The following RPL21 variants were observed in gnomAD, a reference collection of about 807,000 sequenced individuals.
RPL21 encodes ribosomal protein L21, also known as large ribosomal subunit protein eL21.
Under a neutral mutation model 21.2 loss-of-function variants are expected in RPL21, and 1 was observed. That is an observed-to-expected ratio of 0.05 (90% CI 0.02 to 0.22). RPL21 has a LOEUF of 0.22. Among genes scored for constraint, RPL21 ranks in the 10% least tolerant of loss-of-function variants. The pLI, the probability that RPL21 is intolerant of heterozygous loss-of-function variation, is 1.00. For synonymous variants in RPL21, 52 were observed against 62.9 expected (o/e 0.83, Z 0.82); for missense variants, 113 against 199.4 (o/e 0.57, Z 2.61).
chr13:27,254,315 A>G, intron 3 of RPL21, 34 bp downstream of exon 3: 1 of 1,284,636 alleles, frequency 7.8e-7, no homozygotes, highest in Non-Finnish European at 1.1e-6. Flanking sequence ...ACACTACAGA[A>G]GATAGAAAAG....
In RPL21 at chr13:27,256,322, A is replaced by T; in HGVS notation, c.381A>T (p.Gln127His). Residue 127 changes from glutamine (Q) to histidine (H), a missense_variant, in exon 5 of 6, where the codon CAA (glutamine) becomes CAT (histidine). Transcript: ENST00000311549. Reference protein sequence around the residue: ...KEAKEKGTWVQLKRQPAPPRE... With the variant: ...KEAKEKGTWVHLKRQPAPPRE... ...CCAAAGAGAAAGGTACCTGGGTTCA[A>T]CTAAAGCGCCAGGTAAGAATTTGGT... The T allele has an allele frequency of 1.2e-6, 2 of 1,610,930 alleles. No individual in the cohort carries two copies.
Position 27,254,201 on chromosome 13 carries a change from A to C in RPL21, c.68-19A>C. Reference sequence around the variant, plus strand: ...GATTTTTAGCCTTAATACTCACTATACCAAATTTATTTTTGTAGGAGTTGT... The same window carrying C: ...GATTTTTAGCCTTAATACTCACTATCCCAAATTTATTTTTGTAGGAGTTGT... On this transcript the variant is annotated intron_variant, in intron 2 of 5. Transcript: ENST00000311549. The C allele has an allele frequency of 6.5e-7, 1 of 1,529,650 alleles. No individual in the cohort carries two copies. The highest frequency in any genetic ancestry group is 1.1e-5 in the South Asian group (1 of 89,304). 94.8% of individuals were successfully genotyped at this position (1,529,650 alleles called of 1,614,324 possible).
chr13:27,254,377 A>G (rs533468203), intron 3 of RPL21, 96 bp downstream of exon 3: 2 of 652,628 alleles, frequency 3.1e-6, no homozygotes, highest in South Asian at 1.5e-5. Context: ...TTGCATCTGT[A>G]AGAGTATAGA....
intron 1 of RPL21, 31 bp downstream of exon 1, chr13:27,251,616 G>C (rs3118727): frequency 0.77 from 117,592 of 152,328 alleles, 48,967 homozygotes; most frequent in South Asian, 0.95. Context: ...CCGGGCGCTA[G>C]GTGTTCGACA....
At position 27,256,416 on chromosome 13, in the gene RPL21, C is replaced by CTT; in HGVS notation, c.394-12_394-11dup. ...ACACATCACATAATTATTTTATTCC[C>CTT]TTTTTTTTTCCTTTAATAGCCTGCT... On this transcript the variant is annotated intron_variant, in intron 5 of 5. Transcript: ENST00000311549. 1 of 1,550,688 alleles carries CTT rather than the reference C, an allele frequency of 6.4e-7. No individual in the cohort carries two copies. Among genetic ancestry groups the CTT allele is most frequent in the Non-Finnish European group, 8.9e-7 (1 of 1,124,694 alleles).
chr13:27,254,167 T>G, intron 2 of RPL21, 53 bp from the exon 3 acceptor site: 1 of 1,114,288 alleles, frequency 9.0e-7, no homozygotes, highest in Non-Finnish European at 1.4e-6. Context: ...TTGCATTTCT[T>G]TTACTCTAGA....
chr13:27,253,903 A>G, intron 2 of RPL21, 60 bp downstream of exon 2: 1 of 980,740 alleles, frequency 1.0e-6, no homozygotes, highest in Non-Finnish European at 1.7e-6. Flanking sequence ...TGTTGTGTTC[A>G]ACATGTGTTG....
intron 4 of RPL21, 82 bp downstream of exon 4, chr13:27,255,436 TTTATTGGTCA>T (rs747327091): frequency 1.3e-6 from 1 of 782,250 alleles, no homozygotes; most frequent in Non-Finnish European, 2.4e-6. Flanking sequence ...GACTTATGTC[TTTATTGGTCA>T]TTCAAGTGGG....
chr13:27,254,763 C>T (rs1455393936), intron 3 of RPL21, among the ~76,000 whole-genome samples: 4 of 151,806 alleles, frequency 2.6e-5, no homozygotes, highest in East Asian at 1.9e-4. Context: ...GGTGATCCGC[C>T]GGACTCAGCC....
rs538884052 is a variant in RPL21, at chr13:27,255,133, G to C, written c.130-109G>C. ...AAAACACATTTCACCGGCTCTGAAA[G>C]CTCTTGAGTTGCCATTTGAAAGAAA... On this transcript the variant is annotated intron_variant, in intron 3 of 5. Coordinates refer to ENST00000311549, the MANE Select transcript of RPL21 (RefSeq NM_000982.4). 132 of 779,002 alleles carry C rather than the reference G, an allele frequency of 1.7e-4. 1 individual carries two copies. The Middle Eastern group carries it at 1.8e-3, about 11-fold the overall frequency. 48.3% of individuals were successfully genotyped at this position (779,002 alleles called of 1,614,324 possible).
intron 1 of RPL21, 28 bp from the exon 2 acceptor site, chr13:27,253,737 A>G: frequency 1.5e-6 from 2 of 1,310,612 alleles, no homozygotes; most frequent in Non-Finnish European, 2.2e-6. Flanking sequence ...TTTCAGTCGT[A>G]TTTGACTGTT....
At chr13:27,254,388 A>C in intron 3 of RPL21, 107 bp downstream of exon 3, 1 of 242,314 alleles carries the variant, frequency 4.1e-6, no homozygotes, top group Non-Finnish European at 7.2e-6. Context: ...AGAGTATAGA[A>C]TGGATTTTTT....
At position 27,256,176 on chromosome 13, in the gene RPL21, C is replaced by G; in HGVS notation, c.243-8C>G. On this transcript the variant is annotated splice_region_variant and splice_polypyrimidine_tract_variant and intron_variant, in intron 4 of 5. Transcript: ENST00000311549. ...TAAAGCACTTAAAAGAATTTCTGCT[C>G]TGTCCAGGGGCAAGATTCTTGCCAA... The G allele has an allele frequency of 6.3e-7, 1 of 1,586,232 alleles. No individual in the cohort carries two copies. The highest frequency in any genetic ancestry group is 8.6e-7 in the Non-Finnish European group (1 of 1,163,236).
At chr13:27,256,135 T>C (rs1354569977) in intron 4 of RPL21, 49 bp from the exon 5 acceptor site, 17 of 1,420,316 alleles carry the variant, frequency 1.2e-5, no homozygotes, top group Non-Finnish European at 1.7e-5. Flanking sequence ...TTTCTACATT[T>C]CTGTTATATT....
At chr13:27,252,526 G>T (rs1881699551) in intron 1 of RPL21, among the ~76,000 whole-genome samples, 1 of 152,142 alleles carries the variant, frequency 6.6e-6, no homozygotes, top group Non-Finnish European at 1.5e-5. Flanking sequence ...CAGAAAGATG[G>T]ATCTAGTGGA....
chr13:27,253,878 C>T (rs1367386120), intron 2 of RPL21, 35 bp downstream of exon 2: 5 of 1,197,122 alleles, frequency 4.2e-6, no homozygotes, highest in Non-Finnish European at 6.3e-6. Context: ...AGAAGCATGG[C>T]ACACATTTGT....
At chr13:27,251,937 T>C (rs1376660982) in intron 1 of RPL21, 1 of 152,300 alleles carries the variant, frequency 6.6e-6, no homozygotes, top group Non-Finnish European at 1.5e-5. Flanking sequence ...CCCTCTCACA[T>C]AGGCTGTGTG....
At chr13:27,255,086 T>G (rs770085512) in intron 3 of RPL21, 156 bp from the exon 4 acceptor site, 1 of 769,308 alleles carries the variant, frequency 1.3e-6, no homozygotes, top group South Asian at 1.4e-5. Flanking sequence ...ACTGTTTTTT[T>G]TGATTGCTTG....
chr13:27,254,739 T>C (rs1053643828), intron 3 of RPL21, among the ~76,000 whole-genome samples: 2 of 152,176 alleles, frequency 1.3e-5, no homozygotes, highest in Admixed American at 6.5e-5. Context: ...GTCAGGCTGG[T>C]CTTGAACACC....
Sources: gnomAD v4.1 joint callset for allele counts (sites outside exome capture counted in the v4.1 genomes callset) on GRCh38, gnomAD v4.1.1 for gene constraint, MANE v1.5 for transcripts, NCBI Gene and HGNC (gene_info 2026-07-23, HGNC 2026-07-21) for gene names.